Variants in FARS2 observed in about 807,000 individuals in gnomAD.
FARS2 encodes phenylalanine--tRNA ligase, mitochondrial.
A neutral mutation model predicts 46.4 loss-of-function variants in FARS2; 40 were observed. The observed-to-expected ratio is 0.86, with a 90% CI of 0.67 to 1.12. FARS2 has a LOEUF of 1.12. FARS2 is among the 50% of genes most tolerant of loss of function. The probability of loss-of-function intolerance (pLI) is 0.00; values close to 1 mark genes in which losing one functional copy is unlikely to be tolerated. For synonymous variants in FARS2, 234 were observed against 214.9 expected (o/e 1.09, Z -0.78); for missense variants, 513 against 567.9 (o/e 0.90, Z 0.98).
intron 1 of FARS2, among the ~76,000 whole-genome samples, chr6:5,295,940 T>C (rs1186077619): frequency 1.3e-5 from 2 of 152,000 alleles, no homozygotes; most frequent in Admixed American, 6.6e-5. Flanking sequence ...CGTGGGGAGC[T>C]ACAAAGGTGG....
chr6:5,472,565 CCTTT>C (rs1765865960), intron 4 of FARS2, among the ~76,000 whole-genome samples: 1 of 152,132 alleles, frequency 6.6e-6, no homozygotes, highest in African/African-American at 2.4e-5. Flanking sequence ...TTTTATTGCA[CCTTT>C]CTGTTGCCCA....
intron 6 of FARS2, among the ~76,000 whole-genome samples, chr6:5,722,165 A>G (rs13206042): frequency 0.61 from 93,137 of 152,042 alleles, 30,003 homozygotes; most frequent in African/African-American, 0.79. Flanking sequence ...CCTTGATCCC[A>G]GCTAAGGCAC....
chr6:5,749,888 C>T (rs893885597), intron 6 of FARS2, among the ~76,000 whole-genome samples: 5 of 152,186 alleles, frequency 3.3e-5, no homozygotes, highest in South Asian at 2.1e-4. Context: ...ACGGCTGCCA[C>T]GAAGGTGCTC....
chr6:5,402,903 C>T (rs1008672837), intron 2 of FARS2, among the ~76,000 whole-genome samples: 6 of 152,226 alleles, frequency 3.9e-5, no homozygotes, highest in African/African-American at 1.4e-4. Flanking sequence ...AACCTTAGCA[C>T]CTCACTCATT....
intron 2 of FARS2, among the ~76,000 whole-genome samples, chr6:5,387,180 A>G (rs1760188115): frequency 6.6e-6 from 1 of 152,102 alleles, no homozygotes; most frequent in South Asian, 2.1e-4. Flanking sequence ...CATAGAGGAG[A>G]AAGAGCCTTT....
At chr6:5,634,877 A>C (rs1334609152) in intron 6 of FARS2, among the ~76,000 whole-genome samples, 2 of 152,078 alleles carry the variant, frequency 1.3e-5, no homozygotes, top group Non-Finnish European at 2.9e-5. Flanking sequence ...TTTCATCATG[A>C]TTTCTGGAGT....
chr6:5,322,071 G>A (rs1218903324), intron 1 of FARS2, among the ~76,000 whole-genome samples: 4 of 152,164 alleles, frequency 2.6e-5, no homozygotes, highest in African/African-American at 9.7e-5. Context: ...TTTAGGTATC[G>A]CTAGAGAATG....
intron 3 of FARS2, among the ~76,000 whole-genome samples, chr6:5,420,424 T>G (rs967339625): frequency 1.3e-5 from 2 of 152,228 alleles, no homozygotes; most frequent in Non-Finnish European, 2.9e-5. Context: ...CAAGTCATTT[T>G]TGTCTATGAC....
intron 5 of FARS2, among the ~76,000 whole-genome samples, chr6:5,570,830 A>G (rs1772601339): frequency 6.6e-6 from 1 of 152,160 alleles, no homozygotes; most frequent in South Asian, 2.1e-4. Flanking sequence ...ACAGCTGTGC[A>G]CGCATTTCCA....
chr6:5,499,687 C>G (rs1437697538), intron 4 of FARS2, among the ~76,000 whole-genome samples: 1 of 152,188 alleles, frequency 6.6e-6, no homozygotes, highest in Admixed American at 6.5e-5. Flanking sequence ...GGATCATTGT[C>G]TCCCAATTTG....
intron 6 of FARS2, among the ~76,000 whole-genome samples, chr6:5,618,432 C>A (rs1017592658): frequency 2.0e-5 from 3 of 152,186 alleles, no homozygotes; most frequent in South Asian, 2.1e-4. Flanking sequence ...AGCGCCGACC[C>A]TTTCTTTGCC....
chr6:5,642,692 C>T (rs1278988272), intron 6 of FARS2, among the ~76,000 whole-genome samples: 2 of 152,188 alleles, frequency 1.3e-5, no homozygotes. Context: ...TAGATGCCTG[C>T]TTTCCAGTAT....
chr6:5,344,144 G>T (rs1438718737), intron 1 of FARS2, among the ~76,000 whole-genome samples: 2 of 152,198 alleles, frequency 1.3e-5, no homozygotes, highest in Admixed American at 1.3e-4. Flanking sequence ...TCCAGGTCCA[G>T]TTTATCTAAG....
intron 1 of FARS2, among the ~76,000 whole-genome samples, chr6:5,282,284 T>C (rs533884584): frequency 4.6e-5 from 7 of 152,308 alleles, no homozygotes; most frequent in African/African-American, 1.2e-4. Context: ...ATCATTGCCG[T>C]GGCTGCTTAG....
intron 4 of FARS2, among the ~76,000 whole-genome samples, chr6:5,537,577 GTTGGAGATGT>G (rs1770295402): frequency 7.0e-6 from 1 of 143,456 alleles, no homozygotes; most frequent in African/African-American, 2.7e-5. Flanking sequence ...TTCCTCTCGA[GTTGGAGATGT>G]CCCGGGCTTC....
At chr6:5,564,634 G>A (rs1025922257) in intron 5 of FARS2, among the ~76,000 whole-genome samples, 4 of 152,184 alleles carry the variant, frequency 2.6e-5, no homozygotes, top group African/African-American at 9.7e-5. Context: ...AACTTGACCT[G>A]ATTATTTGCA....
upstream of FARS2, among the ~76,000 whole-genome samples, chr6:5,260,476 G>A (rs981726774): frequency 3.3e-5 from 5 of 152,242 alleles, no homozygotes; most frequent in African/African-American, 7.2e-5. Flanking sequence ...GGTCTCAGAG[G>A]CCACACCTGT....
chr6:5,758,240 C>A (rs1270854311), intron 6 of FARS2, among the ~76,000 whole-genome samples: 1 of 151,942 alleles, frequency 6.6e-6, no homozygotes, highest in Non-Finnish European at 1.5e-5. Flanking sequence ...AATAATAAGC[C>A]ACATCAGGAA....
chr6:5,264,471 G>T (rs1009807611), intron 1 of FARS2, among the ~76,000 whole-genome samples: 2 of 150,924 alleles, frequency 1.3e-5, no homozygotes, highest in African/African-American at 2.4e-5. Context: ...AGTACTATAG[G>T]TTATGGTTTT....
Sources: gnomAD v4.1 joint callset for allele counts (sites outside exome capture counted in the v4.1 genomes callset) on GRCh38, gnomAD v4.1.1 for gene constraint, MANE v1.5 for transcripts, NCBI Gene and HGNC (gene_info 2026-07-23, HGNC 2026-07-21) for gene names.